SNX29: variants seen among roughly 807,000 people sequenced by gnomAD.
SNX29 encodes the protein sorting nexin-29.
SNX29 carries 78 observed loss-of-function variants against 102.1 expected under a neutral mutation model. That is an observed-to-expected ratio of 0.76 (90% CI 0.64 to 0.92). The LOEUF (loss-of-function observed/expected upper bound fraction) is 0.92. Among genes scored for constraint, SNX29 ranks in the 40% least tolerant of loss-of-function variants. SNX29 has a pLI of 0.00. For missense variants in SNX29, 1,280 were observed against 1,061.7 expected, an observed-to-expected ratio of 1.21 and a Z score of -2.86; for synonymous variants, 580 against 414.5, an observed-to-expected ratio of 1.40 and a Z score of -4.85.
At position 12,462,815 on chromosome 16, in the gene SNX29, C is replaced by T. The variant is rs562912961; in HGVS notation, c.2038-14904C>T. On this transcript the variant is annotated intron_variant, in intron 18 of 20. Transcript: ENST00000566228. ...AAAGCTCTATGCAGAATATCAGTGC[C>T]GCAAATGGAGCAGCCTGTTTAGCAA... 2.4e-3 allele frequency among the ~76,000 whole-genome samples: 360 copies of T among 152,298 alleles called. 5 individuals are homozygous for T. The highest frequency in any genetic ancestry group is 8.2e-3 in the African/African-American group (340 of 41,556).
intron 15 of SNX29, among the ~76,000 whole-genome samples, chr16:12,336,116 T>A (rs964639984): frequency 2.0e-5 from 3 of 152,106 alleles, no homozygotes; most frequent in Non-Finnish European, 4.4e-5. Context: ...AATATTTACA[T>A]TTTAAATAAA....
rs183045143 is a variant in SNX29 at position 12,297,855 on chromosome 16, C to A, written c.1782+19819C>A. 3.9e-5 allele frequency among the ~76,000 whole-genome samples: 6 copies of A among 152,282 alleles called. No individual in the cohort carries two copies. In the East Asian group the frequency reaches 1.2e-3, roughly 29 times the overall value. ...CAGCTTTGCTGAACCTCACTTTTCC[C>A]CTCCAGGAAGTGGAACAATAATAGC... On this transcript the variant is annotated intron_variant, in intron 15 of 20. Coordinates refer to ENST00000566228, the MANE Select transcript of SNX29 (RefSeq NM_032167.5).
At chr16:12,530,086 C>T (rs145404603) in intron 20 of SNX29, among the ~76,000 whole-genome samples, 1 of 152,272 alleles carries the variant, frequency 6.6e-6, no homozygotes, top group Non-Finnish European at 1.5e-5. Context: ...CTCCCTCTTG[C>T]TTTTCCCCTT....
chr16:12,350,566 G>C (rs1442568319), intron 15 of SNX29, among the ~76,000 whole-genome samples: 4 of 152,098 alleles, frequency 2.6e-5, no homozygotes, highest in Non-Finnish European at 4.4e-5. Context: ...ATTTTCTTCT[G>C]GCTTGTGGCT....
intron 13 of SNX29, among the ~76,000 whole-genome samples, chr16:12,134,428 C>A (rs1456949926): frequency 6.6e-6 from 1 of 152,204 alleles, no homozygotes; most frequent in Non-Finnish European, 1.5e-5. Flanking sequence ...TTGCTGTCAT[C>A]TGAAGGCTTG....
chr16:12,364,549 C>A (rs760776157), intron 16 of SNX29, among the ~76,000 whole-genome samples: 2 of 151,830 alleles, frequency 1.3e-5, no homozygotes, highest in African/African-American at 2.4e-5. Flanking sequence ...GAAGAGCTCC[C>A]GGTTTGAGTA....
chr16:12,374,586 G>T (rs1248173682), intron 16 of SNX29: 2 of 152,258 alleles, frequency 1.3e-5, no homozygotes, highest in African/African-American at 4.8e-5. Context: ...ATGCTGGTGA[G>T]GTCTGAGGTT....
At chr16:11,995,875 C>CA (rs1405786019) in intron 1 of SNX29, among the ~76,000 whole-genome samples, 4 of 151,880 alleles carry the variant, frequency 2.6e-5, no homozygotes, top group African/African-American at 9.7e-5. Context: ...GCCTGGCCAA[C>CA]ATGGTGAAAC....
rs79630974 is a variant in SNX29, at chr16:11,997,108, A to G, written c.8-2189A>G. 0.011 allele frequency among the ~76,000 whole-genome samples: 1,690 copies of G among 152,206 alleles called. 66 individuals are homozygous for G. In the East Asian group the frequency reaches 0.14, roughly 12 times the overall value. On this transcript the variant is annotated intron_variant, in intron 1 of 20. Transcript: ENST00000566228. ...CAAATTTCAACAGTCTAACCCCTTT[A>G]TCATGGCCCACACGATCCTATGTGA...
chr16:12,200,581 C>G (rs1478368484), intron 14 of SNX29, among the ~76,000 whole-genome samples: 2 of 151,978 alleles, frequency 1.3e-5, no homozygotes, highest in African/African-American at 4.8e-5. Context: ...TTCCTGGGTT[C>G]AAGCGATTCT....
intron 16 of SNX29, among the ~76,000 whole-genome samples, chr16:12,387,711 G>A (rs9935510): frequency 0.026 from 3,973 of 152,200 alleles, 150 homozygotes; most frequent in African/African-American, 0.089. Context: ...GTTGAGGCCC[G>A]AGTCTACTTG....
rs114033111 is a variant in SNX29 at position 12,361,786 on chromosome 16, C to G, written c.1899+5507C>G. Among the ~76,000 whole-genome samples the G allele has an allele frequency of 1.9e-3, 291 of 152,096 alleles. 1 individual carries two copies. Among genetic ancestry groups the G allele is most frequent in the African/African-American group, 6.2e-3 (259 of 41,504 alleles). ...AGTATCAAAATTTTTAGACTCATGA[C>G]AAACCTTAGCATCCCCATGCTAAGA... On this transcript the variant is annotated intron_variant, in intron 16 of 20. Coordinates refer to ENST00000566228, the MANE Select transcript of SNX29 (RefSeq NM_032167.5).
chr16:12,533,789 A>C (rs1210261134), intron 20 of SNX29, among the ~76,000 whole-genome samples: 1 of 152,182 alleles, frequency 6.6e-6, no homozygotes, highest in African/African-American at 2.4e-5. Context: ...TGTGGAGTGC[A>C]GCTCATAGGC....
At chr16:12,375,297 T>A (rs1018683789) in intron 16 of SNX29, 1 of 152,164 alleles carries the variant, frequency 6.6e-6, no homozygotes. Flanking sequence ...AATGAAACAA[T>A]TTAGAAATAG....
intron 19 of SNX29, among the ~76,000 whole-genome samples, chr16:12,504,416 C>G (rs983417255): frequency 6.6e-6 from 1 of 152,116 alleles, no homozygotes; most frequent in South Asian, 2.1e-4. Flanking sequence ...CTCCCCAACC[C>G]CCAGCCCTAG....
chr16:12,160,788 A>G (rs1271334303), intron 13 of SNX29, among the ~76,000 whole-genome samples: 3 of 152,240 alleles, frequency 2.0e-5, no homozygotes, highest in African/African-American at 4.8e-5. Context: ...ACTACTGAGC[A>G]CTTAAAAACG....
chr16:12,279,515 C>A (rs947836823), intron 15 of SNX29, among the ~76,000 whole-genome samples: 2 of 152,208 alleles, frequency 1.3e-5, no homozygotes, highest in South Asian at 2.1e-4. Context: ...GTGCTCTGCC[C>A]TTCCTTGGGA....
chr16:12,538,968 A>T (rs548834410), intron 20 of SNX29, among the ~76,000 whole-genome samples: 3 of 152,212 alleles, frequency 2.0e-5, no homozygotes, highest in Non-Finnish European at 4.4e-5. Flanking sequence ...AAGGCAAGTG[A>T]TATAAATAGG....
chr16:12,114,777 CG>C (rs1333791360), intron 11 of SNX29, among the ~76,000 whole-genome samples: 1 of 151,856 alleles, frequency 6.6e-6, no homozygotes, highest in Non-Finnish European at 1.5e-5. Context: ...TTAGTAGAGA[CG>C]GGGTTTCAGC....
Sources: gnomAD v4.1 joint callset for allele counts (sites outside exome capture counted in the v4.1 genomes callset) on GRCh38, gnomAD v4.1.1 for gene constraint, MANE v1.5 for transcripts, NCBI Gene and HGNC (gene_info 2026-07-23, HGNC 2026-07-21) for gene names.